Variants in TANGO6 observed in about 807,000 individuals in gnomAD.
TANGO6 encodes the protein transport and Golgi organization protein 6 homolog.
TANGO6 carries 90 observed loss-of-function variants against 114.2 expected under a neutral mutation model. The observed-to-expected ratio is 0.79, with a 90% CI of 0.66 to 0.94. The LOEUF (loss-of-function observed/expected upper bound fraction) is 0.94, where lower values mean the gene tolerates loss of function less well. Ranked by LOEUF, TANGO6 falls within the 40% of genes least tolerant of loss-of-function variation. TANGO6 has a pLI of 0.00. For synonymous variants in TANGO6, 477 were observed against 509.8 expected (o/e 0.94, Z 0.87); for missense variants, 1,274 against 1,315.3 (o/e 0.97, Z 0.49).
Position 68,980,430 on chromosome 16 carries a change from TA to T in TANGO6, c.2842+6263del, listed in dbSNP as rs1185938325. 1.0e-3 allele frequency among the ~76,000 whole-genome samples: 107 copies of T among 102,568 alleles called. 2 individuals carry two copies. Among genetic ancestry groups the T allele is most frequent in the African/African-American group, 4.1e-3 (100 of 24,350 alleles). The allele number at this position is 102,568 out of a possible 152,430, so 67.3% of individuals were successfully genotyped here. On this transcript the variant is annotated intron_variant, in intron 15 of 17. Transcript: ENST00000261778. ...CTCTCTATATATATATATATATATATATATATTTTTTTTTTTTTTTTTGAGA... is the reference window on the plus strand; with the variant it reads ...CTCTCTATATATATATATATATATATTATATTTTTTTTTTTTTTTTTGAGA...
rs201171315 is a variant in TANGO6, at chr16:68,860,231, G to A, written c.442G>A (p.Val148Ile). 52 of 1,613,884 alleles carry A rather than the reference G, an allele frequency of 3.2e-5. 1 individual carries two copies. Among genetic ancestry groups the A allele is most frequent in the Non-Finnish European group, 1.9e-5 (22 of 1,179,894 alleles). The change falls in exon 2 of 18, where the codon GTT (valine) becomes ATT (isoleucine). Residue 148 changes from valine (V) to isoleucine (I), a missense_variant. Around this residue, in one of 5 missense-constraint regions of TANGO6, gnomAD observed 908 missense variants for 910.2 expected, o/e 1.00. Transcript: ENST00000261778. The stretch of plus-strand genomic sequence containing the variant: ...CTCACAACAGAAGACTGTCCAGTTC[G>A]TTTTGCAGTTTGTAGTTACCTTGGG... ...SISQQKTVQF[V>I]LQFVVTLGIC... is the part of the protein sequence containing the mutation.
rs1962891828 is a variant in TANGO6 at position 68,909,258 on chromosome 16, G to C, written c.1848G>C (p.Glu616Asp). Residue 616 changes from glutamate (E) to aspartate (D), a missense_variant, in exon 11 of 18, where the codon GAG becomes GAC. Transcript: ENST00000261778. ...ASENETELKT[E>D]PFSSKSLLEL... The stretch of plus-strand genomic sequence containing the variant: ...AAAATGAAACAGAGTTAAAAACTGA[G>C]CCCTTCTCCAGCAAGAGCCTCTTGG... 1.9e-6 allele frequency: 3 copies of C among 1,605,534 alleles called. No homozygotes were observed. The highest frequency in any genetic ancestry group is 2.6e-6 in the Non-Finnish European group (3 of 1,175,870).
intron 16 of TANGO6, chr16:69,026,637 G>T: frequency 6.5e-6 from 1 of 153,704 alleles, no homozygotes; most frequent in East Asian, 1.9e-4. Context: ...GCTAGCTGGG[G>T]GAAATGGCAG....
intron 17 of TANGO6, among the ~76,000 whole-genome samples, chr16:69,058,004 G>A (rs1233247003): frequency 2.0e-5 from 3 of 152,190 alleles, no homozygotes; most frequent in Non-Finnish European, 2.9e-5. Context: ...CACCTTCAGG[G>A]CTGCCAAGCT....
At chr16:69,052,305 G>A (rs1959964410) in intron 17 of TANGO6, among the ~76,000 whole-genome samples, 1 of 130,974 alleles carries the variant, frequency 7.6e-6, no homozygotes, top group Admixed American at 8.5e-5. Flanking sequence ...GTCTTGCTCT[G>A]TCTCCCAAGC....
intron 15 of TANGO6, among the ~76,000 whole-genome samples, chr16:68,998,883 C>A (rs1046009371): frequency 2.0e-5 from 3 of 151,546 alleles, no homozygotes; most frequent in Non-Finnish European, 4.4e-5. Flanking sequence ...ATAGGAATCC[C>A]AGACTTTATT....
chr16:69,065,578 G>C (rs1490338664), intron 17 of TANGO6, among the ~76,000 whole-genome samples: 2 of 152,168 alleles, frequency 1.3e-5, no homozygotes, highest in Non-Finnish European at 2.9e-5. Context: ...AAGGGTAAAA[G>C]TGCCATTTAT....
chr16:68,924,816 C>T (rs1963145686), intron 12 of TANGO6, among the ~76,000 whole-genome samples: 1 of 151,706 alleles, frequency 6.6e-6, no homozygotes, highest in South Asian at 2.1e-4. Flanking sequence ...GAAACAAACT[C>T]CTCACATAGC....
Position 68,843,707 on chromosome 16 carries a change from G to A in TANGO6, c.90G>A (p.Pro30=). Residue 30 remains proline (P), a synonymous_variant, in exon 1 of 18, where the codon CCG becomes CCA. Transcript: ENST00000261778. Reference sequence around the variant, plus strand: ...AGGCATTGAAGCTGCTGCTGAGCCCGGGAGGTGAGAGGACGCATCTCCGCG... The same window carrying A: ...AGGCATTGAAGCTGCTGCTGAGCCCAGGAGGTGAGAGGACGCATCTCCGCG... ...ILEALKLLLS[P]GGSGSSSLQV... 1 of 1,613,588 alleles carries A rather than the reference G, an allele frequency of 6.2e-7. No homozygotes were observed. Among genetic ancestry groups the A allele is most frequent in the Non-Finnish European group, 8.5e-7 (1 of 1,179,656 alleles).
chr16:68,859,488 C>T (rs1962053935), intron 1 of TANGO6, among the ~76,000 whole-genome samples: 1 of 152,178 alleles, frequency 6.6e-6, no homozygotes, highest in Non-Finnish European at 1.5e-5. Context: ...TTGTTCTGTT[C>T]AGTGCTTTAT....
At chr16:68,978,914 T>C (rs1197256652) in intron 15 of TANGO6, among the ~76,000 whole-genome samples, 1 of 147,558 alleles carries the variant, frequency 6.8e-6, no homozygotes, top group African/African-American at 2.5e-5. Flanking sequence ...GTAAAGTATA[T>C]AAAGTATATG....
chr16:68,865,849 C>T (rs1270700351), intron 3 of TANGO6, among the ~76,000 whole-genome samples: 1 of 151,384 alleles, frequency 6.6e-6, no homozygotes, highest in Non-Finnish European at 1.5e-5. Context: ...ACCCAGGAGG[C>T]GGAGGTTGCA....
chr16:68,944,828 G>A (rs1462885988), intron 14 of TANGO6, among the ~76,000 whole-genome samples: 1 of 152,132 alleles, frequency 6.6e-6, no homozygotes, highest in Non-Finnish European at 1.5e-5. Flanking sequence ...TGCAATTCAG[G>A]GCATACACAG....
At chr16:68,877,197 C>T (rs1456829320) in intron 5 of TANGO6, among the ~76,000 whole-genome samples, 3 of 152,060 alleles carry the variant, frequency 2.0e-5, no homozygotes, top group Non-Finnish European at 2.9e-5. Flanking sequence ...GGGCTGGGCA[C>T]GGTGGCTCAC....
At position 68,907,677 on chromosome 16, in the gene TANGO6, G is replaced by C. The variant is rs959022515; in HGVS notation, c.1800+102G>C. The C allele has an allele frequency of 3.4e-5, 46 of 1,355,704 alleles. No homozygotes were observed. The Middle Eastern group carries it at 1.6e-3, about 46-fold the overall frequency. The allele number at this position is 1,355,704 out of a possible 1,614,324, so 84.0% of individuals were successfully genotyped here. On this transcript the variant is annotated intron_variant, in intron 10 of 17. Coordinates refer to ENST00000261778, the MANE Select transcript of TANGO6 (RefSeq NM_024562.2). ...TATAATTTTAGGTCCTAAAATGTAG[G>C]CCCTAATTTAAGGAAAATGGTCAGA...
chr16:68,924,259 G>A (rs773405481), intron 12 of TANGO6, among the ~76,000 whole-genome samples: 4 of 152,198 alleles, frequency 2.6e-5, no homozygotes, highest in African/African-American at 7.2e-5. Flanking sequence ...TATACACATC[G>A]TTAAAGATTT....
intron 14 of TANGO6, among the ~76,000 whole-genome samples, chr16:68,950,353 G>A (rs1350789152): frequency 6.6e-6 from 1 of 152,114 alleles, no homozygotes; most frequent in Non-Finnish European, 1.5e-5. Flanking sequence ...ATCACCTGAG[G>A]TCAGGAGTTT....
In TANGO6 at chr16:68,875,177, G is replaced by A. The variant is rs1469054658; in HGVS notation, c.1018G>A (p.Ala340Thr). 6.2e-7 allele frequency: 1 copy of A among 1,612,984 alleles called. No individual in the cohort carries two copies. Among genetic ancestry groups the A allele is most frequent in the South Asian group, 1.1e-5 (1 of 90,988 alleles). ...AGAGAAGGSDAEVTAADWKKC... is the reference protein window; with the variant it reads ...AGAGAAGGSDTEVTAADWKKC... The stretch of plus-strand genomic sequence containing the variant: ...AGCGGGAGCAGCTGGTGGAAGTGAT[G>A]CTGAGGTGACGGCTGCTGACTGGAA... Residue 340 changes from alanine (A) to threonine (T), a missense_variant, in exon 5 of 18, where the codon GCT (alanine) becomes ACT (threonine). Ala to Thr is a moderately conservative substitution (Grantham distance 58). Coordinates refer to ENST00000261778, the MANE Select transcript of TANGO6 (RefSeq NM_024562.2).
chr16:69,035,146 A>G (rs1289038267), intron 16 of TANGO6: 1 of 152,270 alleles, frequency 6.6e-6, no homozygotes, highest in East Asian at 1.9e-4. Context: ...TGAATTTACT[A>G]TCAGTTTTGC....
Sources: gnomAD v4.1 joint callset for allele counts (sites outside exome capture counted in the v4.1 genomes callset) on GRCh38, gnomAD v4.1.1 for gene constraint, gnomAD v4.1.1 regional missense constraint, MANE v1.5 for transcripts, NCBI Gene and HGNC (gene_info 2026-07-23, HGNC 2026-07-21) for gene names.